RNF220: variants seen among roughly 807,000 people sequenced by gnomAD.
RNF220 encodes ring finger protein 220.
Under a neutral mutation model 67.1 loss-of-function variants are expected in RNF220, and 7 were observed. The ratio of observed to expected loss-of-function variants is 0.10; its 90% CI spans 0.06 to 0.20. The LOEUF (loss-of-function observed/expected upper bound fraction) is 0.20. RNF220 is among the 10% of genes least tolerant of loss of function. The probability of loss-of-function intolerance (pLI) is 1.00; values close to 1 mark genes in which losing one functional copy is unlikely to be tolerated. For missense variants in RNF220, 565 were observed against 740.3 expected, an observed-to-expected ratio of 0.76 and a Z score of 2.75; for synonymous variants, 270 against 283.2, an observed-to-expected ratio of 0.95 and a Z score of 0.47.
At chr1:44,530,220 C>T (rs2148188136) in intron 2 of RNF220, among the ~76,000 whole-genome samples, 2 of 152,184 alleles carry the variant, frequency 1.3e-5, no homozygotes, top group South Asian at 4.1e-4. Context: ...TGTATAAACA[C>T]ATTTCACTAT....
intron 5 of RNF220, among the ~76,000 whole-genome samples, chr1:44,630,902 AAAG>A (rs1206016222): frequency 6.6e-5 from 10 of 152,338 alleles, no homozygotes; most frequent in African/African-American, 1.9e-4. Context: ...TGAAGGATTT[AAAG>A]AAGGAGAGGG....
intron 1 of RNF220, among the ~76,000 whole-genome samples, chr1:44,411,555 C>T (rs947125070): frequency 7.2e-5 from 11 of 152,050 alleles, no homozygotes; most frequent in Admixed American, 2.0e-4. Flanking sequence ...TGTGGGGAAT[C>T]GTATAGGTAG....
intron 1 of RNF220, among the ~76,000 whole-genome samples, chr1:44,409,995 A>G (rs2147798427): frequency 6.6e-6 from 1 of 152,344 alleles, no homozygotes; most frequent in Admixed American, 6.5e-5. Context: ...ATTTATTTTC[A>G]GTGTAATGAA....
Position 44,565,881 on chromosome 1 carries a change from C to A in RNF220, c.626-48284C>A, listed in dbSNP as rs1663961912. On this transcript the variant is annotated intron_variant, in intron 2 of 14. Transcript: ENST00000361799. This position sits in a 1 kb window ranked among gnomAD's most constrained non-coding sequence, Gnocchi z 4.2. ...GAAGCCAGTTTGCTAAGTCTTGAAT[C>A]CCACCTCATGGCTGGCCCCCACTGC... 1.3e-5 allele frequency among the ~76,000 whole-genome samples: 2 copies of A among 152,140 alleles called. No individual in the cohort carries two copies. The highest frequency in any genetic ancestry group is 3.9e-4 in the East Asian group (2 of 5,184).
chr1:44,561,502 A>AG (rs570786604), intron 2 of RNF220, among the ~76,000 whole-genome samples: 19 of 152,146 alleles, frequency 1.2e-4, no homozygotes, highest in Admixed American at 3.3e-4. Context: ...GAGCAAAAAA[A>AG]AAAGAACATA....
chr1:44,536,680 A>G (rs939977979), intron 2 of RNF220, among the ~76,000 whole-genome samples: 2 of 152,066 alleles, frequency 1.3e-5, no homozygotes, highest in Admixed American at 1.3e-4. Context: ...TGCCCCTCGA[A>G]AAGGCCCCCC....
intron 3 of RNF220, among the ~76,000 whole-genome samples, chr1:44,619,309 A>T (rs1445929473): frequency 1.3e-5 from 2 of 152,216 alleles, no homozygotes; most frequent in Non-Finnish European, 2.9e-5. Context: ...CCAGCACTTT[A>T]AAAGGGCTCA....
At chr1:44,540,069 T>C (rs948085296) in intron 2 of RNF220, among the ~76,000 whole-genome samples, 2 of 152,164 alleles carry the variant, frequency 1.3e-5, no homozygotes, top group African/African-American at 4.8e-5. Flanking sequence ...AAATCCATCA[T>C]TTAAAGGCAT....
At chr1:44,555,668 G>T (rs1159471412) in intron 2 of RNF220, among the ~76,000 whole-genome samples, 1 of 149,094 alleles carries the variant, frequency 6.7e-6, no homozygotes, top group African/African-American at 2.5e-5. Flanking sequence ...GTAGAGACAG[G>T]GTTTCACCGT....
chr1:44,520,258 C>T (rs925510664), intron 2 of RNF220, among the ~76,000 whole-genome samples: 13 of 151,616 alleles, frequency 8.6e-5, no homozygotes, highest in African/African-American at 2.7e-4. Flanking sequence ...GTCAGGAGAT[C>T]GAGACCGTCC....
At chr1:44,549,732 A>C (rs1214071802) in intron 2 of RNF220, among the ~76,000 whole-genome samples, 1 of 152,182 alleles carries the variant, frequency 6.6e-6, no homozygotes, top group Non-Finnish European at 1.5e-5. Flanking sequence ...GCATGTGTTC[A>C]CCACGTTAGG....
intron 2 of RNF220, among the ~76,000 whole-genome samples, chr1:44,571,452 G>A (rs997514186): frequency 1.3e-5 from 2 of 152,062 alleles, no homozygotes; most frequent in African/African-American, 2.4e-5. Flanking sequence ...TTCATTTTGC[G>A]TGTGCCTACC....
At chr1:44,530,891 A>G (rs1660786726) in intron 2 of RNF220, among the ~76,000 whole-genome samples, 1 of 152,190 alleles carries the variant, frequency 6.6e-6, no homozygotes, top group Admixed American at 6.5e-5. Flanking sequence ...TGAACCCAGG[A>G]GGCAGAGGTT....
intron 8 of RNF220, among the ~76,000 whole-genome samples, chr1:44,637,915 G>C (rs1245908115): frequency 6.6e-6 from 1 of 152,248 alleles, no homozygotes; most frequent in Non-Finnish European, 1.5e-5. Flanking sequence ...AGAAGCTGCT[G>C]CCGCCTCTTA....
intron 2 of RNF220, among the ~76,000 whole-genome samples, chr1:44,428,871 G>C (rs760801710): frequency 6.6e-6 from 1 of 151,932 alleles, no homozygotes; most frequent in African/African-American, 2.4e-5. Context: ...AGTTGGGGTC[G>C]GGGAAAGTTG....
intron 8 of RNF220, among the ~76,000 whole-genome samples, chr1:44,640,873 G>A (rs1485244319): frequency 6.6e-6 from 1 of 152,200 alleles, no homozygotes; most frequent in Admixed American, 6.5e-5. Context: ...GCCCCTGGAG[G>A]GCCCCGAGAC....
At chr1:44,513,930 C>T (rs879686344) in intron 2 of RNF220, among the ~76,000 whole-genome samples, 11 of 152,192 alleles carry the variant, frequency 7.2e-5, no homozygotes, top group Non-Finnish European at 1.6e-4. Context: ...TGGAAGTTTC[C>T]CTTCAGGAAG....
intron 2 of RNF220, among the ~76,000 whole-genome samples, chr1:44,531,409 C>T (rs766832450): frequency 6.6e-6 from 1 of 152,198 alleles, no homozygotes; most frequent in Non-Finnish European, 1.5e-5. Flanking sequence ...AAACTCAGCT[C>T]CAGTATCATC....
At chr1:44,581,597 A>C (rs1416167736) in intron 2 of RNF220, among the ~76,000 whole-genome samples, 2 of 152,216 alleles carry the variant, frequency 1.3e-5, no homozygotes, top group South Asian at 2.1e-4. Flanking sequence ...GTTTTTCCTA[A>C]GACGATCATC....
Sources: gnomAD v4.1 joint callset for allele counts (sites outside exome capture counted in the v4.1 genomes callset) on GRCh38, gnomAD v4.1.1 for gene constraint, Gnocchi (gnomAD v3.1) non-coding constraint, MANE v1.5 for transcripts, NCBI Gene and HGNC (gene_info 2026-07-23, HGNC 2026-07-21) for gene names.